Variants in NDC1 observed in about 807,000 individuals in gnomAD.
The protein encoded by NDC1 is nucleoporin NDC1.
A neutral mutation model predicts 89.8 loss-of-function variants in NDC1; 24 were observed. The observed-to-expected ratio is 0.27, with a 90% CI of 0.19 to 0.38. NDC1 has a LOEUF of 0.38. NDC1 is among the 10% of genes least tolerant of loss of function. NDC1 has a pLI of 1.00. For synonymous variants in NDC1, 296 were observed against 284.8 expected (o/e 1.04, Z -0.39); for missense variants, 728 against 797.6 (o/e 0.91, Z 1.05).
chr1:53,815,929 A>C (rs2100675369), intron 6 of NDC1, among the ~76,000 whole-genome samples: 1 of 152,314 alleles, frequency 6.6e-6, no homozygotes, highest in South Asian at 2.1e-4. Flanking sequence ...AAAACTACAA[A>C]ACATTGCTGA....
rs1219339303 is a variant in NDC1, at chr1:53,772,368, G to A, written c.1922C>T (p.Ala641Val). The A allele has an allele frequency of 2.5e-6, 4 of 1,613,642 alleles. No homozygotes were observed. Among genetic ancestry groups the A allele is most frequent in the South Asian group, 1.1e-5 (1 of 91,016 alleles). Residue 641 changes from alanine (A) to valine (V), a missense_variant, in exon 17 of 18, where the codon GCC becomes GTC. Transcript: ENST00000371429. ...AAATGTAGTAGTTATTCGATAGATG[G>A]CAGTTTTCAGTGATGCTCTGAATGC... ...RFAFRASLKTAIYRITTTFGE... is the reference protein window; with the variant it reads ...RFAFRASLKTVIYRITTTFGE...
chr1:53,832,469 G>T, intron 3 of NDC1, 21 bp downstream of exon 3: 1 of 1,197,348 alleles, frequency 8.4e-7, no homozygotes, highest in Non-Finnish European at 1.2e-6. Context: ...TTTCTAAGAA[G>T]GTTAACATTT....
intron 17 of NDC1, among the ~76,000 whole-genome samples, chr1:53,768,709 G>T (rs908624680): frequency 2.6e-5 from 4 of 152,028 alleles, no homozygotes; most frequent in Non-Finnish European, 4.4e-5. Context: ...ATAGGTCACC[G>T]CTTTTAAAAG....
At chr1:53,826,272 T>A (rs1364998370) in intron 4 of NDC1, among the ~76,000 whole-genome samples, 1 of 152,212 alleles carries the variant, frequency 6.6e-6, no homozygotes. Flanking sequence ...AGAGATGCCA[T>A]AACATTGGGT....
intron 10 of NDC1, 130 bp downstream of exon 10, chr1:53,803,798 C>T: frequency 1.3e-5 from 9 of 680,984 alleles, no homozygotes; most frequent in Non-Finnish European, 2.1e-5. Context: ...GTCTTGATCT[C>T]CTGACCTCAT....
intron 10 of NDC1, among the ~76,000 whole-genome samples, chr1:53,802,332 T>C (rs906806462): frequency 1.3e-5 from 2 of 152,048 alleles, no homozygotes; most frequent in Non-Finnish European, 2.9e-5. Flanking sequence ...TATCTGGTAA[T>C]TGGCAAGCTT....
At chr1:53,793,381 T>C in intron 13 of NDC1, 102 bp from the exon 14 acceptor site, 2 of 910,484 alleles carry the variant, frequency 2.2e-6, no homozygotes, top group East Asian at 4.8e-5. Context: ...AATGAAAAAA[T>C]GAAACACTTC....
At chr1:53,814,309 C>A (rs187588851) in intron 6 of NDC1, among the ~76,000 whole-genome samples, 1 of 152,136 alleles carries the variant, frequency 6.6e-6, no homozygotes, top group Non-Finnish European at 1.5e-5. Flanking sequence ...GAGTCAAGAT[C>A]GCGCCATCGC....
At chr1:53,837,479 A>G (rs562410302) in intron 1 of NDC1, among the ~76,000 whole-genome samples, 1 of 152,316 alleles carries the variant, frequency 6.6e-6, no homozygotes, top group African/African-American at 2.4e-5. Context: ...AAGCTGAGGC[A>G]GAACTCCTTG....
At chr1:53,828,236 AC>A (rs1648938753) in intron 3 of NDC1, 63 bp from the exon 4 acceptor site, 1 of 1,457,612 alleles carries the variant, frequency 6.9e-7, no homozygotes. Flanking sequence ...GAGGATCTAA[AC>A]TATCCCCTCT....
At chr1:53,807,503 T>C (rs1648151508) in intron 8 of NDC1, among the ~76,000 whole-genome samples, 153 bp downstream of exon 8, 1 of 152,056 alleles carries the variant, frequency 6.6e-6, no homozygotes, top group South Asian at 2.1e-4. Context: ...AAATGGTGGT[T>C]ACAAATGATA....
At chr1:53,795,114 G>A (rs1277073857) in intron 13 of NDC1, among the ~76,000 whole-genome samples, 6 of 151,792 alleles carry the variant, frequency 4.0e-5, no homozygotes, top group African/African-American at 9.7e-5. Flanking sequence ...CTTAGTTCCC[G>A]CCCCATGCTA....
intron 3 of NDC1, among the ~76,000 whole-genome samples, chr1:53,830,256 C>G (rs1454883903): frequency 6.6e-6 from 1 of 152,116 alleles, no homozygotes; most frequent in East Asian, 1.9e-4. Context: ...GAGTTCGAGA[C>G]CAGCCTGACC....
At chr1:53,816,725 G>A (rs976703963) in intron 6 of NDC1, among the ~76,000 whole-genome samples, 1 of 149,832 alleles carries the variant, frequency 6.7e-6, no homozygotes, top group African/African-American at 2.4e-5. Context: ...TGTGACAAAG[G>A]ACTAATATCT....
chr1:53,793,176 C>A, intron 14 of NDC1, 53 bp downstream of exon 14: 1 of 1,407,914 alleles, frequency 7.1e-7, no homozygotes, highest in South Asian at 1.2e-5. Context: ...TACTTTATTT[C>A]ATATTTCATT....
At chr1:53,826,576 T>G (rs1027338804) in intron 4 of NDC1, among the ~76,000 whole-genome samples, 1 of 152,222 alleles carries the variant, frequency 6.6e-6, no homozygotes, top group Non-Finnish European at 1.5e-5. Flanking sequence ...TGCTGGACAC[T>G]GCTTTAAGCC....
intron 17 of NDC1, among the ~76,000 whole-genome samples, chr1:53,769,304 T>G (rs1015867293): frequency 3.3e-5 from 5 of 152,116 alleles, no homozygotes; most frequent in African/African-American, 1.2e-4. Context: ...GTTGCACATA[T>G]GTAGGATGAA....
chr1:53,794,395 A>G (rs1218605305), intron 13 of NDC1, among the ~76,000 whole-genome samples: 1 of 152,200 alleles, frequency 6.6e-6, no homozygotes, highest in Non-Finnish European at 1.5e-5. Context: ...CCAAAGCTGC[A>G]TGACTAGTCA....
intron 16 of NDC1, 139 bp downstream of exon 16, chr1:53,787,018 TC>T (rs1318647456): frequency 1.7e-6 from 1 of 575,600 alleles, no homozygotes; most frequent in African/African-American, 1.9e-5. Context: ...GATTGTAATT[TC>T]CTGAGGGTGA....
Sources: allele counts gnomAD v4.1 joint callset (sites outside exome capture counted in the v4.1 genomes callset), GRCh38; gene constraint gnomAD v4.1.1; transcripts MANE v1.5; gene names NCBI Gene and HGNC (gene_info 2026-07-23, HGNC 2026-07-21).